Variants in SLIT3 observed in about 807,000 individuals in gnomAD.
The protein encoded by SLIT3 is slit guidance ligand 3.
Under a neutral mutation model 184.0 loss-of-function variants are expected in SLIT3, and 68 were observed. The observed-to-expected ratio is 0.37, with a 90% CI of 0.30 to 0.45. The LOEUF is 0.45. Among genes scored for constraint, SLIT3 ranks in the 20% least tolerant of loss-of-function variants. SLIT3 has a pLI of 1.00. For missense variants in SLIT3, 1,707 were observed against 2,026.0 expected (o/e 0.84, Z 3.02); for synonymous variants, 831 against 828.6 (o/e 1.00, Z -0.05).
At chr5:169,124,765 ATTC>A (rs1761012994) in intron 4 of SLIT3, among the ~76,000 whole-genome samples, 1 of 151,958 alleles carries the variant, frequency 6.6e-6, no homozygotes, top group African/African-American at 2.4e-5. Flanking sequence ...GATGCTTTCT[ATTC>A]TTCTTTTTAA....
intron 35 of SLIT3, among the ~76,000 whole-genome samples, chr5:168,666,988 C>CTGAT (rs536142797): frequency 1.3e-3 from 198 of 152,310 alleles, no homozygotes; most frequent in African/African-American, 4.0e-3. Flanking sequence ...ATGACGCAAA[C>CTGAT]TGATAGACTG....
intron 4 of SLIT3, among the ~76,000 whole-genome samples, chr5:169,186,272 G>A (rs1763331658): frequency 2.0e-5 from 3 of 152,162 alleles, no homozygotes; most frequent in Admixed American, 2.0e-4. Flanking sequence ...AGAAGAGGAG[G>A]AGACACCAGG....
At chr5:168,685,985 A>T in intron 30 of SLIT3, 58 bp from the exon 31 acceptor site, 1 of 1,528,768 alleles carries the variant, frequency 6.5e-7, no homozygotes, top group Non-Finnish European at 8.8e-7. Context: ...GGAGACAATC[A>T]CAGTTACTCA....
intron 3 of SLIT3, among the ~76,000 whole-genome samples, chr5:169,208,310 T>A (rs1315201739): frequency 6.6e-6 from 1 of 152,230 alleles, no homozygotes; most frequent in Non-Finnish European, 1.5e-5. Flanking sequence ...CCTATTTGTA[T>A]CCTTTCTTAT....
At chr5:169,161,709 T>C (rs1376796723) in intron 4 of SLIT3, among the ~76,000 whole-genome samples, 2 of 151,610 alleles carry the variant, frequency 1.3e-5, no homozygotes, top group Non-Finnish European at 2.9e-5. Context: ...AAATAATCTC[T>C]GCCCTTTTGT....
intron 4 of SLIT3, among the ~76,000 whole-genome samples, chr5:169,090,538 G>T (rs1296543933): frequency 6.6e-6 from 1 of 152,224 alleles, no homozygotes; most frequent in African/African-American, 2.4e-5. Context: ...GGCTGGAATA[G>T]GGGCCTTCGT....
intron 4 of SLIT3, among the ~76,000 whole-genome samples, chr5:169,189,890 G>T (rs1421763): frequency 6.6e-6 from 1 of 151,970 alleles, no homozygotes; most frequent in Non-Finnish European, 1.5e-5. Context: ...GGCACTCAAC[G>T]TGTTTACTAG....
At chr5:168,811,325 T>C (rs147039670) in intron 8 of SLIT3, among the ~76,000 whole-genome samples, 10 of 152,294 alleles carry the variant, frequency 6.6e-5, no homozygotes, top group African/African-American at 2.4e-4. Context: ...AAACCCATGA[T>C]TTAGGTTCCA....
At chr5:169,243,407 G>C (rs1467086168) in intron 3 of SLIT3, among the ~76,000 whole-genome samples, 1 of 152,090 alleles carries the variant, frequency 6.6e-6, no homozygotes, top group Non-Finnish European at 1.5e-5. Flanking sequence ...AAAAATAAAC[G>C]TGTAAACAGA....
At chr5:168,838,782 A>T (rs1758143682) in intron 6 of SLIT3, among the ~76,000 whole-genome samples, 1 of 151,918 alleles carries the variant, frequency 6.6e-6, no homozygotes, top group African/African-American at 2.4e-5. Flanking sequence ...TTCTGCGTCT[A>T]CCTGTGGGGT....
At chr5:168,690,189 T>A (rs1761864451) in intron 29 of SLIT3, among the ~76,000 whole-genome samples, 1 of 151,648 alleles carries the variant, frequency 6.6e-6, no homozygotes, top group Admixed American at 6.6e-5. Context: ...CAGGCTGGAA[T>A]GCAGTGGTGC....
rs533557381 is a variant in SLIT3 at position 168,826,359 on chromosome 5, T to G, written c.558-3028A>C. Among the ~76,000 whole-genome samples the G allele has an allele frequency of 1.6e-4, 25 of 152,240 alleles. No homozygotes were observed. The South Asian group carries it at 5.2e-3, about 32-fold the overall frequency. Reference sequence around the variant, plus strand: ...ACGCTGATTGCTACGACAGCTACAGTTTTCGTTTCCCTAATAAACACAGAT... The same window carrying G: ...ACGCTGATTGCTACGACAGCTACAGGTTTCGTTTCCCTAATAAACACAGAT... On this transcript the variant is annotated intron_variant, in intron 6 of 35. Transcript: ENST00000519560.
At chr5:168,892,763 T>G (rs1175381452) in intron 4 of SLIT3, among the ~76,000 whole-genome samples, 1 of 152,226 alleles carries the variant, frequency 6.6e-6, no homozygotes, top group Non-Finnish European at 1.5e-5. Flanking sequence ...ACTAAGGCTC[T>G]TTGTGTTCAT....
intron 4 of SLIT3, chr5:169,037,999 G>C (rs1452449292): frequency 6.6e-6 from 1 of 152,188 alleles, no homozygotes; most frequent in East Asian, 1.9e-4. Context: ...AGTATCTTCA[G>C]TATGTGTCTA....
chr5:169,035,510 G>C (rs144049041), intron 4 of SLIT3, among the ~76,000 whole-genome samples: 3 of 151,918 alleles, frequency 2.0e-5, no homozygotes, highest in African/African-American at 7.3e-5. Flanking sequence ...TTAGCCAGGC[G>C]TGGTGGCGGG....
intron 32 of SLIT3, among the ~76,000 whole-genome samples, chr5:168,682,249 T>C (rs762142790): frequency 6.6e-6 from 1 of 152,230 alleles, no homozygotes; most frequent in Admixed American, 6.5e-5. Flanking sequence ...TTTTCTTTGC[T>C]CCTCATCTGT....
Position 168,804,573 on chromosome 5 carries a change from G to T in SLIT3, c.935+1873C>A, listed in dbSNP as rs143951883. On this transcript the variant is annotated intron_variant, in intron 9 of 35. Transcript: ENST00000519560. ...CATTAAAACCCTAAGGGAATGAATT[G>T]TCAGTATTTGTGGAAAGGAAGGTGG... Among the ~76,000 whole-genome samples, 542 of 152,184 alleles carry T rather than the reference G, an allele frequency of 3.6e-3. 3 individuals are homozygous for T. The highest frequency in any genetic ancestry group is 4.8e-3 in the Non-Finnish European group (326 of 68,014).
chr5:168,961,548 G>A (rs1763008249), intron 4 of SLIT3, among the ~76,000 whole-genome samples: 2 of 152,178 alleles, frequency 1.3e-5, no homozygotes, highest in African/African-American at 4.8e-5. Flanking sequence ...AAATGTGAGT[G>A]TTATAGGAGT....
At chr5:168,943,950 C>T (rs1422153826) in intron 4 of SLIT3, among the ~76,000 whole-genome samples, 2 of 152,184 alleles carry the variant, frequency 1.3e-5, no homozygotes, top group African/African-American at 4.8e-5. Flanking sequence ...CTTGGCGAAT[C>T]CCTAAGCAGT....
Sources: gnomAD v4.1 joint callset for allele counts (sites outside exome capture counted in the v4.1 genomes callset) on GRCh38, gnomAD v4.1.1 for gene constraint, MANE v1.5 for transcripts, NCBI Gene and HGNC (gene_info 2026-07-23, HGNC 2026-07-21) for gene names.